The following GLI2 variants were observed in gnomAD, a reference collection of about 807,000 sequenced individuals.
The protein encoded by GLI2 is transcription activator GLI2.
GLI2 carries 22 observed loss-of-function variants against 78.9 expected under a neutral mutation model. The ratio of observed to expected loss-of-function variants is 0.28; its 90% confidence interval spans 0.20 to 0.40. The LOEUF (loss-of-function observed/expected upper bound fraction) is 0.40. Ranked by LOEUF, GLI2 falls within the 10% of genes least tolerant of loss-of-function variation. The pLI, the probability that GLI2 is intolerant of heterozygous loss-of-function variation, is 1.00. For synonymous variants in GLI2, 974 were observed against 963.7 expected (o/e 1.01, Z -0.20); for missense variants, 2,097 against 2,213.2 (o/e 0.95, Z 1.05).
At chr2:120,929,386 C>T (rs1034568111) in intron 3 of GLI2, among the ~76,000 whole-genome samples, 7 of 152,192 alleles carry the variant, frequency 4.6e-5, no homozygotes, top group East Asian at 1.9e-4. Flanking sequence ...TATTTTCATC[C>T]GTTAACTTAT....
At chr2:120,847,209 G>A (rs1687160093) in intron 2 of GLI2, among the ~76,000 whole-genome samples, 1 of 152,088 alleles carries the variant, frequency 6.6e-6, no homozygotes, top group Admixed American at 6.5e-5. Context: ...TGCTCCATCA[G>A]GCTCAGCAGG....
At chr2:120,833,512 T>C (rs1458009737) in intron 2 of GLI2, among the ~76,000 whole-genome samples, 1 of 152,186 alleles carries the variant, frequency 6.6e-6, no homozygotes, top group East Asian at 1.9e-4. Context: ...TTTCCCCATC[T>C]AGAGCACCCA....
At chr2:120,913,233 A>G (rs1360414610) in intron 2 of GLI2, among the ~76,000 whole-genome samples, 1 of 152,064 alleles carries the variant, frequency 6.6e-6, no homozygotes, top group African/African-American at 2.4e-5. Context: ...GCTGTTCAGT[A>G]GGGTAGCCGC....
At chr2:120,760,188 T>C (rs1204029511) in intron 1 of GLI2, among the ~76,000 whole-genome samples, 1 of 152,112 alleles carries the variant, frequency 6.6e-6, no homozygotes, top group African/African-American at 2.4e-5. Context: ...TCAGTTCCTG[T>C]CTCTGTCTGA....
chr2:120,983,946 GGTGTGTGTGTGTGTGTGTGTGT>G (rs5833859), intron 11 of GLI2, among the ~76,000 whole-genome samples: 1 of 143,124 alleles, frequency 7.0e-6, no homozygotes, highest in Non-Finnish European at 1.5e-5. Flanking sequence ...TGGTGTGTGG[GGTGTGTGTGTGTGTGTGTGTGT>G]GTGTGTGTGT....
At chr2:120,783,768 G>A (rs546209206) in intron 1 of GLI2, among the ~76,000 whole-genome samples, 2 of 152,146 alleles carry the variant, frequency 1.3e-5, no homozygotes, top group Non-Finnish European at 2.9e-5. Context: ...TATCCACGTT[G>A]ATTTAAGAGA....
At chr2:120,753,899 G>A (rs1488479645) in intron 1 of GLI2, among the ~76,000 whole-genome samples, 1 of 147,504 alleles carries the variant, frequency 6.8e-6, no homozygotes, top group African/African-American at 2.5e-5. Flanking sequence ...CTGGGCGACA[G>A]AGGGAGACTC....
At chr2:120,848,901 C>T (rs1019241057) in intron 2 of GLI2, among the ~76,000 whole-genome samples, 1 of 152,128 alleles carries the variant, frequency 6.6e-6, no homozygotes, top group African/African-American at 2.4e-5. Context: ...GGTCTGCACA[C>T]TCTGTCATGT....
intron 2 of GLI2, among the ~76,000 whole-genome samples, chr2:120,916,072 C>T (rs1679083145): frequency 6.6e-6 from 1 of 152,222 alleles, no homozygotes; most frequent in Non-Finnish European, 1.5e-5. Context: ...GTCTCCCTCC[C>T]GGGGTGGTCC....
At chr2:120,970,728 G>A (rs1301166908) in intron 7 of GLI2, 122 bp downstream of exon 7, 4 of 840,632 alleles carry the variant, frequency 4.8e-6, no homozygotes, top group Non-Finnish European at 1.9e-6. Context: ...GGCCGCTAGG[G>A]TGCCTTCTGG....
chr2:120,863,302 A>G (rs1051686290), intron 2 of GLI2, among the ~76,000 whole-genome samples: 2 of 152,232 alleles, frequency 1.3e-5, no homozygotes. Context: ...GGCTCCGGCC[A>G]GTGCCCGTGT....
rs775682488 is a variant in GLI2, at chr2:120,989,178, G to C, written c.3213G>C (p.Thr1071=). Reference sequence around the variant, plus strand: ...AGGGCACCGGGCAGGTGTATCCCACGGAAAGCACTGGCTTCTCTGACAACC... The same window carrying C: ...AGGGCACCGGGCAGGTGTATCCCACCGAAAGCACTGGCTTCTCTGACAACC... ...LDEGTGQVYP[T]ESTGFSDNPR... The change falls in exon 14 of 14, where the codon ACG becomes ACC. Residue 1071 remains threonine (T), a synonymous_variant. Coordinates refer to ENST00000361492, the MANE Select transcript of GLI2 (RefSeq NM_001374353.1). 2.5e-6 allele frequency: 4 copies of C among 1,613,256 alleles called. No individual in the cohort carries two copies. Among genetic ancestry groups the C allele is most frequent in the Non-Finnish European group, 3.4e-6 (4 of 1,180,014 alleles).
At chr2:120,964,020 G>A (rs550103004) in intron 5 of GLI2, among the ~76,000 whole-genome samples, 11 of 152,288 alleles carry the variant, frequency 7.2e-5, no homozygotes, top group East Asian at 5.8e-4. Context: ...ACCTGTATTC[G>A]AGTGTTGGGG....
chr2:120,945,946 G>A (rs1412327845), intron 3 of GLI2, among the ~76,000 whole-genome samples: 3 of 35,346 alleles, frequency 8.5e-5, no homozygotes, highest in Non-Finnish European at 3.4e-4. Flanking sequence ...TGCCCCTCAG[G>A]CATAACCTTC....
intron 3 of GLI2, among the ~76,000 whole-genome samples, chr2:120,937,640 C>A (rs1680261716): frequency 6.6e-6 from 1 of 152,222 alleles, no homozygotes; most frequent in Admixed American, 6.5e-5. Flanking sequence ...TGCCCTGTTC[C>A]AATGAGGGGC....
At chr2:120,951,537 C>T in intron 4 of GLI2, 92 bp downstream of exon 4, 1 of 762,192 alleles carries the variant, frequency 1.3e-6, no homozygotes. Flanking sequence ...AACTCCTCAG[C>T]CTTGGTCCCC....
intron 2 of GLI2, among the ~76,000 whole-genome samples, chr2:120,898,415 G>A (rs1177602609): frequency 6.6e-6 from 1 of 152,204 alleles, no homozygotes; most frequent in Non-Finnish European, 1.5e-5. Context: ...GGATGTGAGC[G>A]AGGGCTGCCT....
chr2:120,813,398 T>C (rs1225157447), intron 2 of GLI2, among the ~76,000 whole-genome samples: 1 of 152,196 alleles, frequency 6.6e-6, no homozygotes, highest in Admixed American at 6.5e-5. Context: ...GGCTGCCACG[T>C]GCCCTTGAGC....
At chr2:120,748,894 C>G (rs1268631347) in intron 1 of GLI2, among the ~76,000 whole-genome samples, 1 of 150,760 alleles carries the variant, frequency 6.6e-6, no homozygotes, top group East Asian at 2.0e-4. Context: ...CATCCATCCT[C>G]AATCCATCAT....
Sources: gnomAD v4.1 joint callset for allele counts (sites outside exome capture counted in the v4.1 genomes callset) on GRCh38, gnomAD v4.1.1 for gene constraint, MANE v1.5 for transcripts, NCBI Gene and HGNC (gene_info 2026-07-23, HGNC 2026-07-21) for gene names.